The following LARGE1 variants were observed in gnomAD, a reference collection of about 807,000 sequenced individuals.
LARGE1 encodes xylosyl- and glucuronyltransferase LARGE1.
Under a neutral mutation model 87.6 loss-of-function variants are expected in LARGE1, and 43 were observed. That is an observed-to-expected ratio of 0.49 (90% CI 0.38 to 0.63). The LOEUF is 0.63. Ranked by LOEUF, LARGE1 falls within the 30% of genes least tolerant of loss-of-function variation. The pLI is 0.00. For synonymous variants in LARGE1, 434 were observed against 394.6 expected, an observed-to-expected ratio of 1.10 and a Z score of -1.18; for missense variants, 802 against 1,000.2, an observed-to-expected ratio of 0.80 and a Z score of 2.67.
At chr22:33,438,356 A>G (rs1359602561) in intron 6 of LARGE1, among the ~76,000 whole-genome samples, 1 of 152,202 alleles carries the variant, frequency 6.6e-6, no homozygotes, top group African/African-American at 2.4e-5. Context: ...TGACTCACAG[A>G]AAACGCTTTG....
chr22:33,247,047 ATGTGTGTGTG>A (rs10532057), intron 11 of LARGE1, among the ~76,000 whole-genome samples: 9,084 of 146,222 alleles, frequency 0.062, 325 homozygotes, highest in Middle Eastern at 0.089. Flanking sequence ...TGCAGCCAGT[ATGTGTGTGTG>A]TGTGTGTGTG....
At chr22:33,687,385 C>T (rs918547727) in intron 2 of LARGE1, among the ~76,000 whole-genome samples, 1 of 143,650 alleles carries the variant, frequency 7.0e-6, no homozygotes, top group Non-Finnish European at 1.5e-5. Context: ...TACCTTGCTG[C>T]TTTTTTTTTT....
At chr22:33,351,977 T>C (rs936793703) in intron 9 of LARGE1, among the ~76,000 whole-genome samples, 3 of 152,124 alleles carry the variant, frequency 2.0e-5, no homozygotes, top group Non-Finnish European at 4.4e-5. Flanking sequence ...GCGCTCATAA[T>C]CCACCCGCCT....
downstream of LARGE1, among the ~76,000 whole-genome samples, chr22:33,268,417 G>A (rs1928067826): frequency 6.8e-6 from 1 of 147,462 alleles, no homozygotes; most frequent in African/African-American, 2.7e-5. Context: ...TATCTTAATA[G>A]CTGTTAAAAA....
intron 3 of LARGE1, among the ~76,000 whole-genome samples, chr22:33,630,161 T>A (rs896143561): frequency 6.6e-6 from 1 of 151,868 alleles, no homozygotes; most frequent in African/African-American, 2.4e-5. Flanking sequence ...ATCTCGCCAT[T>A]GCACTCCAGC....
intron 6 of LARGE1, among the ~76,000 whole-genome samples, chr22:33,502,162 C>T (rs2070472773): frequency 3.3e-5 from 5 of 150,016 alleles, no homozygotes. Flanking sequence ...CACCACTGCA[C>T]TCCAGCCTGG....
At chr22:33,680,855 C>T (rs2081746255) in intron 2 of LARGE1, among the ~76,000 whole-genome samples, 1 of 151,978 alleles carries the variant, frequency 6.6e-6, no homozygotes, top group African/African-American at 2.4e-5. Flanking sequence ...ATGTCATCTG[C>T]CTGTTATGCA....
At chr22:33,534,273 G>A (rs538091206) in intron 6 of LARGE1, among the ~76,000 whole-genome samples, 116 of 152,200 alleles carry the variant, frequency 7.6e-4, no homozygotes, top group African/African-American at 2.7e-3. Context: ...GCGTGGTGGT[G>A]GGCACCTGTA....
intron 5 of LARGE1, among the ~76,000 whole-genome samples, chr22:33,588,510 C>T (rs917940071): frequency 4.0e-5 from 6 of 150,672 alleles, no homozygotes; most frequent in Non-Finnish European, 8.9e-5. Flanking sequence ...TATATGTGTG[C>T]GTGTGTGTGT....
chr22:33,410,253 T>C (rs1488862403), intron 7 of LARGE1, among the ~76,000 whole-genome samples: 2 of 152,144 alleles, frequency 1.3e-5, no homozygotes, highest in Non-Finnish European at 2.9e-5. Flanking sequence ...GTTATGACGG[T>C]CCATAGCTCT....
At position 33,611,714 on chromosome 22, in the gene LARGE1, C is replaced by T. The variant is rs148696191; in HGVS notation, c.492-7156G>A. On this transcript the variant is annotated intron_variant, in intron 4 of 14. Coordinates refer to ENST00000397394, the MANE Select transcript of LARGE1 (RefSeq NM_133642.5). ...GAAATGTGAGGAGGACATGACATTT[C>T]GGGGGCCAGGAGAGGAATGATATAG... Among the ~76,000 whole-genome samples the T allele has an allele frequency of 7.6e-4, 115 of 152,238 alleles. 1 individual carries two copies. Among genetic ancestry groups the T allele is most frequent in the African/African-American group, 2.6e-3 (106 of 41,532 alleles).
intron 1 of LARGE1, among the ~76,000 whole-genome samples, chr22:33,801,923 T>A (rs2086173750): frequency 6.6e-6 from 1 of 152,154 alleles, no homozygotes; most frequent in Non-Finnish European, 1.5e-5. Flanking sequence ...AAACACTGTC[T>A]GACACCCCTA....
chr22:33,715,590 G>A (rs1367622532), intron 2 of LARGE1, among the ~76,000 whole-genome samples: 1 of 152,112 alleles, frequency 6.6e-6, no homozygotes, highest in African/African-American at 2.4e-5. Flanking sequence ...CAGCATCAGG[G>A]TCCTCTGGAG....
chr22:33,319,615 T>TG (rs2146341680), intron 10 of LARGE1, among the ~76,000 whole-genome samples: 1 of 152,270 alleles, frequency 6.6e-6, no homozygotes, highest in African/African-American at 2.4e-5. Flanking sequence ...AGGCTGGTCT[T>TG]GAACTCCTGA....
intron 10 of LARGE1, among the ~76,000 whole-genome samples, chr22:33,333,462 C>G (rs939642302): frequency 3.9e-5 from 6 of 152,208 alleles, no homozygotes; most frequent in African/African-American, 1.4e-4. Context: ...CTCCAAGCTT[C>G]TCAGCACAGT....
the LARGE1 span, among the ~76,000 whole-genome samples, chr22:33,100,020 C>G: frequency 6.6e-6 from 1 of 152,120 alleles, no homozygotes; most frequent in Non-Finnish European, 1.5e-5. Flanking sequence ...ATGGTAGCCA[C>G]TAGACACATG....
rs544050695 is a variant in LARGE1, at chr22:33,377,773, C to T, written c.1131+4146G>A. ...TTCTATCTCTTTTCATTCTGTGTTG[C>T]ATCTTGGGTAATTTCTTATACCTCT... On this transcript the variant is annotated intron_variant, in intron 9 of 14. Coordinates refer to ENST00000397394, the MANE Select transcript of LARGE1 (RefSeq NM_133642.5). Among the ~76,000 whole-genome samples, 3 of 152,182 alleles carry T rather than the reference C, an allele frequency of 2.0e-5. No homozygotes were observed. The South Asian group carries it at 6.2e-4, about 32-fold the overall frequency.
the LARGE1 span, among the ~76,000 whole-genome samples, chr22:33,071,281 T>C: frequency 6.6e-5 from 10 of 152,194 alleles, no homozygotes; most frequent in Non-Finnish European, 1.3e-4. Context: ...GCTATGAAGA[T>C]ATTTATGGGT....
intron 2 of LARGE1, among the ~76,000 whole-genome samples, chr22:33,713,600 A>G (rs1345237576): frequency 6.6e-6 from 1 of 151,592 alleles, no homozygotes; most frequent in East Asian, 1.9e-4. Context: ...AAACTTTCTT[A>G]ATGCATAAAT....
Sources: allele counts gnomAD v4.1 joint callset (sites outside exome capture counted in the v4.1 genomes callset), GRCh38; gene constraint gnomAD v4.1.1; transcripts MANE v1.5; gene names NCBI Gene and HGNC (gene_info 2026-07-23, HGNC 2026-07-21).